The following GNS variants were observed in gnomAD, a reference collection of about 807,000 sequenced individuals.
GNS encodes the protein N-acetylglucosamine-6-sulfatase.
Under a neutral mutation model 69.7 loss-of-function variants are expected in GNS, and 40 were observed. The observed-to-expected ratio is 0.57, with a 90% CI of 0.45 to 0.75. The LOEUF (loss-of-function observed/expected upper bound fraction) is 0.75, where lower values mean the gene tolerates loss of function less well. Ranked by LOEUF, GNS falls within the 30% of genes least tolerant of loss-of-function variation. The pLI, the probability that GNS is intolerant of heterozygous loss-of-function variation, is 0.00. For missense variants in GNS, 565 were observed against 685.5 expected, an observed-to-expected ratio of 0.82 and a Z score of 1.96; for synonymous variants, 243 against 251.6, an observed-to-expected ratio of 0.97 and a Z score of 0.32.
chr12:64,725,996 A>AC (rs1869186293), intron 10 of GNS, among the ~76,000 whole-genome samples: 1 of 30,612 alleles, frequency 3.3e-5, no homozygotes, highest in Non-Finnish European at 5.8e-5. Flanking sequence ...ACTCTGTCTC[A>AC]AAAAAAAAAA....
At chr12:64,730,140 G>A (rs565356) in intron 9 of GNS, among the ~76,000 whole-genome samples, 81,276 of 151,932 alleles carry the variant, frequency 0.53, 22,744 homozygotes, top group East Asian at 0.88. Context: ...GAAAAACTGG[G>A]AACTAAAGTT....
chr12:64,737,756 G>A (rs997221597), intron 8 of GNS, among the ~76,000 whole-genome samples: 2 of 152,188 alleles, frequency 1.3e-5, no homozygotes, highest in Non-Finnish European at 2.9e-5. Context: ...GATGCAACAG[G>A]AAGTACACAG....
chr12:64,750,239 G>A (rs908502358), intron 2 of GNS, among the ~76,000 whole-genome samples: 1 of 152,040 alleles, frequency 6.6e-6, no homozygotes, highest in Non-Finnish European at 1.5e-5. Context: ...GTAGAGATGG[G>A]GTTTCACCAT....
intron 11 of GNS, among the ~76,000 whole-genome samples, chr12:64,722,130 T>G (rs951577293): frequency 6.6e-6 from 1 of 151,998 alleles, no homozygotes; most frequent in Non-Finnish European, 1.5e-5. Flanking sequence ...GTTCACACGA[T>G]TATCCTTCCT....
At chr12:64,745,080 G>A (rs1869857522) in intron 4 of GNS, among the ~76,000 whole-genome samples, 173 bp from the exon 5 acceptor site, 1 of 151,786 alleles carries the variant, frequency 6.6e-6, no homozygotes, top group African/African-American at 2.4e-5. Context: ...GACAAGCATA[G>A]TTTCAATTAT....
At chr12:64,735,938 A>G (rs1869543849) in intron 9 of GNS, among the ~76,000 whole-genome samples, 1 of 152,262 alleles carries the variant, frequency 6.6e-6, no homozygotes, top group Non-Finnish European at 1.5e-5. Flanking sequence ...TTAAAAGGAA[A>G]TAAGTGAAAA....
chr12:64,739,581 A>T, intron 7 of GNS, 82 bp from the exon 8 acceptor site: 2 of 711,986 alleles, frequency 2.8e-6, no homozygotes, highest in Non-Finnish European at 5.0e-6. Context: ...AAAAAAAACC[A>T]AAAACAAAAA....
At chr12:64,743,000 T>C in intron 6 of GNS, 141 bp downstream of exon 6, 2 of 766,860 alleles carry the variant, frequency 2.6e-6, no homozygotes, top group Non-Finnish European at 4.8e-6. Flanking sequence ...TTTATACTAT[T>C]GGTTGTACTA....
intron 2 of GNS, among the ~76,000 whole-genome samples, chr12:64,749,794 TTC>T (rs932534976): frequency 1.1e-4 from 17 of 152,270 alleles, no homozygotes; most frequent in Admixed American, 9.1e-4. Flanking sequence ...TCTTAACTCT[TTC>T]TCTTTTTGTT....
Position 64,716,387 on chromosome 12 carries a change from G to A in GNS, c.*354C>T. On this transcript the variant is annotated 3_prime_UTR_variant, in exon 14 of 14. Coordinates refer to ENST00000258145, the MANE Select transcript of GNS (RefSeq NM_002076.4). ...TCTGTGTGTTTGTGTGTGTCCTAAA[G>A]TACTGCCATTTATCTGAATGGGTTT... is the stretch of plus-strand genomic sequence containing the variant. 1 of 354,016 alleles carries A rather than the reference G, an allele frequency of 2.8e-6. No homozygotes were observed. The highest frequency in any genetic ancestry group is 5.5e-6 in the Non-Finnish European group (1 of 181,736). 21.9% of individuals were successfully genotyped at this position (354,016 alleles called of 1,614,324 possible).
intron 10 of GNS, among the ~76,000 whole-genome samples, 180 bp downstream of exon 10, chr12:64,728,776 G>A (rs1869291685): frequency 6.6e-6 from 1 of 152,076 alleles, no homozygotes; most frequent in Non-Finnish European, 1.5e-5. Flanking sequence ...AAAGAGGGGA[G>A]GAAACAACTC....
rs1147096 is a variant in GNS, at chr12:64,752,752, C to T, written c.198G>A (p.Pro66=). The change falls in exon 2 of 14, where the codon CCG becomes CCA. Residue 66 remains proline (P), a synonymous_variant. Transcript: ENST00000258145. ...CGATGAGAGCTTTGGTTTTCTTTAGCGGTGTCTGTAAAAGTAAGTAATTAT... is the reference window on the plus strand; with the variant it reads ...CGATGAGAGCTTTGGTTTTCTTTAGTGGTGTCTGTAAAAGTAAGTAATTAT... The part of the protein sequence containing the change: ...DQDEVLGGMT[P]LKKTKALIGE... The T allele has an allele frequency of 0.61, 882,971 of 1,443,948 alleles. 277,416 individuals carry two copies. The highest frequency in any genetic ancestry group is 0.91 in the African/African-American group (64,138 of 70,824). 89.4% of individuals were successfully genotyped at this position (1,443,948 alleles called of 1,614,324 possible).
chr12:64,742,481 G>C (rs1289516252), intron 6 of GNS, among the ~76,000 whole-genome samples: 1 of 152,190 alleles, frequency 6.6e-6, no homozygotes, highest in Non-Finnish European at 1.5e-5. Flanking sequence ...AAAAAATGAA[G>C]TTAAGCATCG....
At chr12:64,727,948 G>A (rs1869260866) in intron 10 of GNS, among the ~76,000 whole-genome samples, 2 of 152,196 alleles carry the variant, frequency 1.3e-5, no homozygotes, top group Admixed American at 1.3e-4. Context: ...ATTTTGAGAT[G>A]GAGTTTCACT....
At chr12:64,748,224 C>T (rs561087904) in intron 2 of GNS, among the ~76,000 whole-genome samples, 10 of 151,264 alleles carry the variant, frequency 6.6e-5, no homozygotes, top group South Asian at 4.2e-4. Context: ...TCTTTTGAGG[C>T]GAGCTCTCAC....
chr12:64,724,694 C>G (rs1865605731), intron 10 of GNS, among the ~76,000 whole-genome samples: 1 of 152,018 alleles, frequency 6.6e-6, no homozygotes, highest in Non-Finnish European at 1.5e-5. Flanking sequence ...CCCGTCTCTA[C>G]TAAAAAATAC....
At chr12:64,756,929 G>GGAGTTCAA (rs1209021103) in intron 1 of GNS, among the ~76,000 whole-genome samples, 14 of 152,162 alleles carry the variant, frequency 9.2e-5, no homozygotes, top group African/African-American at 3.4e-4. Context: ...CTGAGGTCCA[G>GGAGTTCAA]GAGTTCAAGA....
chr12:64,745,204 C>CT (rs141453545), intron 4 of GNS, among the ~76,000 whole-genome samples: 15 of 42,352 alleles, frequency 3.5e-4, no homozygotes, highest in Non-Finnish European at 4.5e-4. Flanking sequence ...AGTCAATAGA[C>CT]TTTTTTTTTT....
chr12:64,745,064 A>T (rs1175884699), intron 4 of GNS, among the ~76,000 whole-genome samples, 157 bp from the exon 5 acceptor site: 1 of 152,212 alleles, frequency 6.6e-6, no homozygotes, highest in Non-Finnish European at 1.5e-5. Context: ...CTAGGGTTTT[A>T]TTAAAGACAA....
Sources: gnomAD v4.1 joint callset for allele counts (sites outside exome capture counted in the v4.1 genomes callset) on GRCh38, gnomAD v4.1.1 for gene constraint, MANE v1.5 for transcripts, NCBI Gene and HGNC (gene_info 2026-07-23, HGNC 2026-07-21) for gene names.